DCHS2: variants seen among roughly 807,000 people sequenced by gnomAD.
DCHS2 encodes the protein dachsous cadherin-related 2.
In DCHS2, 142 loss-of-function variants were observed where a neutral mutation model predicts 182.4. That is an observed-to-expected ratio of 0.78 (90% CI 0.68 to 0.89). The LOEUF (loss-of-function observed/expected upper bound fraction) is 0.89, where lower values mean the gene tolerates loss of function less well. Ranked by LOEUF, DCHS2 falls within the 40% of genes least tolerant of loss-of-function variation. DCHS2 has a pLI of 0.00. For synonymous variants in DCHS2, 1,740 were observed against 1,663.3 expected (o/e 1.05, Z -1.12); for missense variants, 4,319 against 4,198.6 (o/e 1.03, Z -0.79).
At chr4:154,269,775 TA>T (rs11412936) in intron 14 of DCHS2, 124 bp downstream of exon 14, 2 of 1,117,498 alleles carry the variant, frequency 1.8e-6, no homozygotes, top group Non-Finnish European at 2.5e-6. Flanking sequence ...TAGGCTAGCT[TA>T]AAAAATTCTT....
chr4:154,337,462 G>A (rs1412897131), intron 3 of DCHS2, among the ~76,000 whole-genome samples: 1 of 152,012 alleles, frequency 6.6e-6, no homozygotes, highest in Non-Finnish European at 1.5e-5. Flanking sequence ...TCCAAATCTA[G>A]ACACATCGAT....
intron 2 of DCHS2, among the ~76,000 whole-genome samples, chr4:154,375,262 C>A (rs960570666): frequency 3.3e-5 from 5 of 151,940 alleles, no homozygotes; most frequent in Non-Finnish European, 5.9e-5. Context: ...CTAAGATAAG[C>A]AAATATTTCT....
chr4:154,248,727 A>G (rs1186313341), intron 16 of DCHS2, among the ~76,000 whole-genome samples: 2 of 152,176 alleles, frequency 1.3e-5, no homozygotes, highest in South Asian at 2.1e-4. Flanking sequence ...TGGTACTGAT[A>G]TAACACAAAC....
intron 12 of DCHS2, among the ~76,000 whole-genome samples, chr4:154,302,945 ACACACACACACACACACACACACC>A (rs1397649218): frequency 0.063 from 3,475 of 55,052 alleles, 219 homozygotes; most frequent in African/African-American, 0.24. Context: ...ATACACACAC[ACACACACACACACACACACACACC>A]CACACACACA....
Position 154,490,982 on chromosome 4 carries a change from A to G in DCHS2, c.374T>C (p.Ile125Thr), listed in dbSNP as rs1480567706. 6.4e-7 allele frequency: 1 copy of G among 1,550,464 alleles called. No homozygotes were observed. Among genetic ancestry groups the G allele is most frequent in the Non-Finnish European group, 8.7e-7 (1 of 1,146,374 alleles). ...GCGGTCCAGGCGCCGCGCAGTGCGG[A>G]TGATGCCGGTGTCCGGGTGCACGTG... ...DFHVHPDTGI[I>T]RTARRLDRER... The change falls in exon 1 of 20, where the codon ATC becomes ACC. Residue 125 changes from isoleucine (I) to threonine (T), a missense_variant. Transcript: ENST00000357232.
chr4:154,326,580 A>T (rs767792172), intron 7 of DCHS2, among the ~76,000 whole-genome samples: 1 of 152,192 alleles, frequency 6.6e-6, no homozygotes, highest in Non-Finnish European at 1.5e-5. Flanking sequence ...ACATTTAATA[A>T]GACTCATCTT....
At chr4:154,266,355 T>C (rs535077505) in intron 14 of DCHS2, among the ~76,000 whole-genome samples, 1 of 152,212 alleles carries the variant, frequency 6.6e-6, no homozygotes, top group Non-Finnish European at 1.5e-5. Context: ...GTTTGTTTGT[T>C]TTTCCAAAAC....
At chr4:154,285,433 A>G (rs1035657283) in intron 13 of DCHS2, among the ~76,000 whole-genome samples, 24 of 152,128 alleles carry the variant, frequency 1.6e-4, no homozygotes, top group Non-Finnish European at 2.5e-4. Flanking sequence ...GGCTCTTAGG[A>G]TCATTGATTC....
intron 16 of DCHS2, among the ~76,000 whole-genome samples, chr4:154,244,272 T>C (rs1209592779): frequency 6.6e-6 from 1 of 152,232 alleles, no homozygotes; most frequent in Non-Finnish European, 1.5e-5. Flanking sequence ...AGGTTATACA[T>C]ACATTATATG....
At chr4:154,399,788 G>A (rs1732081242) in intron 1 of DCHS2, among the ~76,000 whole-genome samples, 1 of 152,304 alleles carries the variant, frequency 6.6e-6, no homozygotes, top group East Asian at 1.9e-4. Context: ...GGAACATTCT[G>A]CTGAGGTTTT....
Position 154,235,785 on chromosome 4 carries a change from AT to A in DCHS2, c.8866del (p.Met2956Ter). 1 of 1,613,864 alleles carries A rather than the reference AT, an allele frequency of 6.2e-7. No homozygotes were observed. The highest frequency in any genetic ancestry group is 1.1e-5 in the South Asian group (1 of 91,042). On this transcript the variant is annotated frameshift_variant, in exon 20 of 20. Coordinates refer to ENST00000357232, the MANE Select transcript of DCHS2 (RefSeq NM_001358235.2). LOFTEE classifies it low-confidence loss of function (END_TRUNC). Reference sequence around the variant, plus strand: ...TTTGGGACTATGAGCGATTATTTTCATTTCCAAGGTGTCTTCTTTGTTGAGT... The same window carrying A: ...TTTGGGACTATGAGCGATTATTTTCATTCCAAGGTGTCTTCTTTGTTGAGT... ...SQLNKEDTLE[M>X]KIIAHSPKSD...
chr4:154,414,708 A>T (rs1732764504), intron 1 of DCHS2, among the ~76,000 whole-genome samples: 1 of 152,112 alleles, frequency 6.6e-6, no homozygotes, highest in Admixed American at 6.5e-5. Flanking sequence ...ACCCACCAAG[A>T]TGGGGGATAG....
At chr4:154,325,325 G>A (rs1219107129) in intron 7 of DCHS2, among the ~76,000 whole-genome samples, 53 of 79,060 alleles carry the variant, frequency 6.7e-4, no homozygotes, top group East Asian at 4.3e-3. Context: ...CCGTGTGTGT[G>A]TGTGTGTGTG....
chr4:154,475,566 A>C (rs1253755901), intron 1 of DCHS2, among the ~76,000 whole-genome samples: 1 of 152,220 alleles, frequency 6.6e-6, no homozygotes, highest in Non-Finnish European at 1.5e-5. Flanking sequence ...TTGTTAAGAC[A>C]AAAGCAAGTA....
At chr4:154,360,971 A>G (rs773689282) in intron 3 of DCHS2, among the ~76,000 whole-genome samples, 4 of 152,190 alleles carry the variant, frequency 2.6e-5, no homozygotes, top group Non-Finnish European at 5.9e-5. Flanking sequence ...TCACTGATGT[A>G]TCCCAAACAC....
chr4:154,322,625 C>G (rs1736110364), intron 7 of DCHS2, 137 bp from the exon 8 acceptor site: 1 of 1,142,264 alleles, frequency 8.8e-7, no homozygotes, highest in East Asian at 2.9e-5. Flanking sequence ...AAAAATGACA[C>G]TAAAAATAGA....
intron 1 of DCHS2, among the ~76,000 whole-genome samples, chr4:154,379,525 C>T (rs1731073979): frequency 6.6e-6 from 1 of 152,124 alleles, no homozygotes; most frequent in Non-Finnish European, 1.5e-5. Context: ...GAAAGTTATA[C>T]CCAGAAATGG....
intron 1 of DCHS2, among the ~76,000 whole-genome samples, chr4:154,459,588 C>T (rs1273289037): frequency 6.6e-6 from 1 of 152,042 alleles, no homozygotes; most frequent in African/African-American, 2.4e-5. Flanking sequence ...CAGGAATGAC[C>T]CTGCAGGCTA....
intron 6 of DCHS2, 96 bp downstream of exon 6, chr4:154,329,427 G>C: frequency 8.1e-7 from 1 of 1,238,564 alleles, no homozygotes; most frequent in Admixed American, 2.1e-5. Context: ...GCCACACCAA[G>C]ACTGATGTGA....
Sources: allele counts gnomAD v4.1 joint callset (sites outside exome capture counted in the v4.1 genomes callset), GRCh38; gene constraint gnomAD v4.1.1; transcripts MANE v1.5; gene names NCBI Gene and HGNC (gene_info 2026-07-23, HGNC 2026-07-21).